LCORL: variants seen among roughly 807,000 people sequenced by gnomAD.
The protein encoded by LCORL is ligand-dependent nuclear receptor corepressor-like protein.
Under a neutral mutation model 141.8 loss-of-function variants are expected in LCORL, and 41 were observed. The ratio of observed to expected loss-of-function variants is 0.29; its 90% CI spans 0.23 to 0.38. The LOEUF (loss-of-function observed/expected upper bound fraction) is 0.38, where lower values mean the gene tolerates loss of function less well. LCORL is among the 10% of genes least tolerant of loss of function. The pLI is 1.00. For missense variants in LCORL, 1,759 were observed against 2,035.0 expected, an observed-to-expected ratio of 0.86 and a Z score of 2.61; for synonymous variants, 618 against 694.1, an observed-to-expected ratio of 0.89 and a Z score of 1.72.
chr4:17,923,140 T>C lies in LCORL; in HGVS notation c.431-13795A>G, dbSNP rs904919683. On this transcript the variant is annotated intron_variant, in intron 4 of 7. Coordinates refer to ENST00000635767, the Ensembl canonical transcript of LCORL. The stretch of plus-strand genomic sequence containing the variant: ...ACACTCCAAAATAACTGCTTGAGTT[T>C]TCTAACTTATATAAGCAGAAATCTG... 3.9e-5 allele frequency among the ~76,000 whole-genome samples: 6 copies of C among 152,196 alleles called. No individual in the cohort carries two copies. In the South Asian group the frequency reaches 1.2e-3, roughly 32 times the overall value.
At chr4:17,865,749 G>A (rs758317921) in intron 7 of LCORL, among the ~76,000 whole-genome samples, 14 of 152,100 alleles carry the variant, frequency 9.2e-5, no homozygotes, top group Non-Finnish European at 1.5e-4. Flanking sequence ...AGTATCACTT[G>A]GGCCCCACCC....
chr4:17,926,835 G>C (rs1447303861), intron 4 of LCORL, among the ~76,000 whole-genome samples: 1 of 152,236 alleles, frequency 6.6e-6, no homozygotes, highest in Non-Finnish European at 1.5e-5. Flanking sequence ...AGCACAGGCA[G>C]AGGATATTTA....
At chr4:17,944,687 A>G (rs140901801) in intron 4 of LCORL, among the ~76,000 whole-genome samples, 41 of 152,282 alleles carry the variant, frequency 2.7e-4, no homozygotes, top group African/African-American at 9.6e-4. Context: ...TTATTGGAGA[A>G]TTCTTATTTT....
chr4:17,975,230 C>T (rs1311503903), intron 1 of LCORL, among the ~76,000 whole-genome samples: 1 of 152,152 alleles, frequency 6.6e-6, no homozygotes, highest in Non-Finnish European at 1.5e-5. Context: ...CCCCTCTATT[C>T]ACTACAATAG....
At chr4:18,004,170 C>T (rs542595891) in intron 1 of LCORL, among the ~76,000 whole-genome samples, 20 of 151,888 alleles carry the variant, frequency 1.3e-4, no homozygotes, top group Admixed American at 4.6e-4. Context: ...TGTGTTGATC[C>T]GATTTCAGTC....
chr4:17,880,613 TTTC>T, intron 6 of LCORL: 4 of 981,770 alleles, frequency 4.1e-6, no homozygotes, highest in Non-Finnish European at 3.6e-6. Context: ...TTTCTTTTCT[TTTC>T]TTTTTTTCTT....
At chr4:17,883,717 A>G in intron 6 of LCORL, 1 of 1,518,262 alleles carries the variant, frequency 6.6e-7, no homozygotes, top group Non-Finnish European at 8.8e-7. Flanking sequence ...CCTAACAAGT[A>G]ATCTACACAG....
At chr4:17,894,658 TGA>T (rs1303993672) in intron 5 of LCORL, among the ~76,000 whole-genome samples, 1 of 152,202 alleles carries the variant, frequency 6.6e-6, no homozygotes, top group African/African-American at 2.4e-5. Context: ...TTGATTGTGT[TGA>T]GATATCACAC....
chr4:17,984,532 C>T (rs1718605566), intron 1 of LCORL, among the ~76,000 whole-genome samples: 1 of 152,008 alleles, frequency 6.6e-6, no homozygotes. Flanking sequence ...TATCCATCTT[C>T]TCTAGGTTTT....
At chr4:17,914,569 A>G (rs1208013746) in intron 4 of LCORL, among the ~76,000 whole-genome samples, 1 of 152,230 alleles carries the variant, frequency 6.6e-6, no homozygotes, top group Non-Finnish European at 1.5e-5. Flanking sequence ...AGACAGACAG[A>G]CAAAGAGAAT....
chr4:17,981,219 C>G (rs1010408775), intron 1 of LCORL, among the ~76,000 whole-genome samples: 1 of 152,150 alleles, frequency 6.6e-6, no homozygotes, highest in African/African-American at 2.4e-5. Context: ...GAGTAGAAAT[C>G]TTTAAGTGGG....
intron 1 of LCORL, among the ~76,000 whole-genome samples, chr4:17,985,816 G>A (rs1488610222): frequency 6.6e-6 from 1 of 152,104 alleles, no homozygotes; most frequent in Non-Finnish European, 1.5e-5. Flanking sequence ...GTTGTCAGCT[G>A]GTTATTATGC....
chr4:17,876,193 G>T, exon 7 of LCORL: 1 of 1,230,884 alleles, frequency 8.1e-7, no homozygotes, highest in South Asian at 4.1e-5. Flanking sequence ...GAAATCAAGC[G>T]ACCCATATCT....
intron 7 of LCORL, among the ~76,000 whole-genome samples, chr4:17,858,314 TAAG>T (rs761808290): frequency 4.1e-5 from 6 of 146,796 alleles, no homozygotes; most frequent in South Asian, 2.3e-4. Flanking sequence ...AGAATTAAAA[TAAG>T]GAGAGGAAAA....
At chr4:17,905,851 A>T (rs1252285645) in intron 5 of LCORL, among the ~76,000 whole-genome samples, 1 of 152,180 alleles carries the variant, frequency 6.6e-6, no homozygotes, top group East Asian at 1.9e-4. Flanking sequence ...AACATAAAAA[A>T]AGGCATAACT....
At chr4:17,945,151 A>T (rs1284221526) in intron 4 of LCORL, among the ~76,000 whole-genome samples, 1 of 152,162 alleles carries the variant, frequency 6.6e-6, no homozygotes, top group African/African-American at 2.4e-5. Flanking sequence ...AGTACTTTAG[A>T]GATAAGGGTA....
intron 4 of LCORL, among the ~76,000 whole-genome samples, chr4:17,930,111 T>C (rs1011125627): frequency 6.6e-6 from 1 of 152,140 alleles, no homozygotes; most frequent in South Asian, 2.1e-4. Flanking sequence ...ATAACAAGTA[T>C]TGTGGAGGAT....
chr4:17,955,954 T>C (rs1344614857), intron 4 of LCORL, among the ~76,000 whole-genome samples: 3 of 152,002 alleles, frequency 2.0e-5, no homozygotes, highest in Non-Finnish European at 4.4e-5. Flanking sequence ...GAAAAAAGAC[T>C]GGATACCTGC....
chr4:17,976,658 T>C (rs1717049094), intron 1 of LCORL, among the ~76,000 whole-genome samples: 1 of 152,210 alleles, frequency 6.6e-6, no homozygotes, highest in Non-Finnish European at 1.5e-5. Context: ...TTTGTAGACC[T>C]ATGCTTAAAG....
Sources: allele counts gnomAD v4.1 joint callset (sites outside exome capture counted in the v4.1 genomes callset), GRCh38; gene constraint gnomAD v4.1.1; transcripts MANE v1.5; gene names NCBI Gene and HGNC (gene_info 2026-07-23, HGNC 2026-07-21).